UBE2E2: variants seen among roughly 807,000 people sequenced by gnomAD.
UBE2E2 encodes ubiquitin-conjugating enzyme E2 E2.
A neutral mutation model predicts 24.7 loss-of-function variants in UBE2E2; 6 were observed. The observed-to-expected ratio is 0.24, with a 90% confidence interval of 0.13 to 0.48. The LOEUF is 0.48. Ranked by LOEUF, UBE2E2 falls within the 20% of genes least tolerant of loss-of-function variation. The pLI is 0.99. For synonymous variants in UBE2E2, 104 were observed against 83.6 expected (o/e 1.24, Z -1.33); for missense variants, 169 against 245.0 (o/e 0.69, Z 2.07).
At chr3:23,573,935 T>A (rs914010021) in intron 5 of UBE2E2, among the ~76,000 whole-genome samples, 4 of 152,174 alleles carry the variant, frequency 2.6e-5, no homozygotes, top group Non-Finnish European at 5.9e-5. Flanking sequence ...CACACTGTCA[T>A]TGAAACAATT....
At chr3:23,404,056 A>G (rs1392153693) in intron 3 of UBE2E2, among the ~76,000 whole-genome samples, 1 of 152,146 alleles carries the variant, frequency 6.6e-6, no homozygotes, top group Non-Finnish European at 1.5e-5. Context: ...AAAAGACTGT[A>G]TTCCTGAAAC....
rs1233358452 is a variant in UBE2E2, at chr3:23,589,944, T to C, written c.*113T>C. 2 of 1,000,254 alleles carry C rather than the reference T, an allele frequency of 2.0e-6. No individual in the cohort carries two copies. Among genetic ancestry groups the C allele is most frequent in the Non-Finnish European group, 2.9e-6 (2 of 682,464 alleles). The allele number at this position is 1,000,254 out of a possible 1,614,324, so 62.0% of individuals were successfully genotyped here. A position where few individuals can be genotyped will look rare whatever the true frequency, so the allele number is the denominator to read the frequency against. ...TCTTATTTTCCTATTTTTATTAAATTTGGAACCATTTTGTGATGGTATGTT... is the reference window on the plus strand; with the variant it reads ...TCTTATTTTCCTATTTTTATTAAATCTGGAACCATTTTGTGATGGTATGTT... On this transcript the variant is annotated 3_prime_UTR_variant, in exon 6 of 6. Coordinates refer to ENST00000396703, the MANE Select transcript of UBE2E2 (RefSeq NM_152653.4). The surrounding 1 kb of genome is among the most constrained non-coding windows in gnomAD (Gnocchi z 4.1).
At chr3:23,259,554 C>T (rs1022750366) in intron 3 of UBE2E2, among the ~76,000 whole-genome samples, 1 of 146,036 alleles carries the variant, frequency 6.8e-6, no homozygotes, top group Non-Finnish European at 1.5e-5. Context: ...ACATGTTCTG[C>T]ACATGTATCC....
At chr3:23,268,057 A>C (rs13072930) in intron 3 of UBE2E2, among the ~76,000 whole-genome samples, 11,546 of 151,742 alleles carry the variant, frequency 0.076, 545 homozygotes, top group Non-Finnish European at 0.092. Flanking sequence ...GACGTATCTC[A>C]AAATAATAAG....
At chr3:23,525,925 A>G (rs1037181413) in intron 4 of UBE2E2, among the ~76,000 whole-genome samples, 13 of 152,204 alleles carry the variant, frequency 8.5e-5, no homozygotes, top group Non-Finnish European at 1.8e-4. Flanking sequence ...ATTTGTCACT[A>G]TTCAAAACAT....
chr3:23,347,552 G>A (rs1431648698), intron 3 of UBE2E2, among the ~76,000 whole-genome samples: 1 of 152,056 alleles, frequency 6.6e-6, no homozygotes. Flanking sequence ...GGGGCCTGTT[G>A]TGGGGTGGGG....
chr3:23,272,649 ACTAT>A (rs1163485366), intron 3 of UBE2E2, among the ~76,000 whole-genome samples: 10 of 152,288 alleles, frequency 6.6e-5, no homozygotes, highest in South Asian at 2.1e-4. Context: ...AGAGAAATAG[ACTAT>A]CTATCTATCT....
At chr3:23,587,172 C>CA (rs963367777) in intron 5 of UBE2E2, among the ~76,000 whole-genome samples, 9 of 151,962 alleles carry the variant, frequency 5.9e-5, no homozygotes, top group East Asian at 1.9e-4. Context: ...GTTAAGCATG[C>CA]AAAAAAAAGT....
intron 3 of UBE2E2, among the ~76,000 whole-genome samples, chr3:23,244,503 C>T (rs1697336625): frequency 6.6e-6 from 1 of 152,076 alleles, no homozygotes. Flanking sequence ...ATTGTTAGTA[C>T]AGCAACATAA....
At chr3:23,299,515 T>G (rs1221528445) in intron 3 of UBE2E2, among the ~76,000 whole-genome samples, 1 of 152,176 alleles carries the variant, frequency 6.6e-6, no homozygotes, top group Non-Finnish European at 1.5e-5. Flanking sequence ...AAGAACATCT[T>G]TATTTCTGCC....
intron 3 of UBE2E2, among the ~76,000 whole-genome samples, chr3:23,343,528 A>G (rs1695462050): frequency 8.1e-6 from 1 of 122,732 alleles, no homozygotes; most frequent in Admixed American, 9.5e-5. Context: ...GTGAGCCGAG[A>G]TGGCGCCACT....
intron 5 of UBE2E2, among the ~76,000 whole-genome samples, chr3:23,555,607 A>G (rs1695757953): frequency 6.6e-6 from 1 of 152,134 alleles, no homozygotes; most frequent in South Asian, 2.1e-4. Flanking sequence ...TATGGGGAAA[A>G]ACCTAGGTGT....
intron 4 of UBE2E2, among the ~76,000 whole-genome samples, chr3:23,512,875 G>A (rs1029332869): frequency 1.3e-5 from 2 of 152,244 alleles, no homozygotes; most frequent in African/African-American, 4.8e-5. Flanking sequence ...AACCCAGGAG[G>A]CAGAGGTTGC....
chr3:23,518,910 A>C (rs932380558), intron 4 of UBE2E2, among the ~76,000 whole-genome samples: 2 of 152,250 alleles, frequency 1.3e-5, no homozygotes, highest in African/African-American at 4.8e-5. Flanking sequence ...GAATTTAGGA[A>C]TAAGTTAGTG....
chr3:23,437,610 A>T (rs1196770559), intron 3 of UBE2E2, among the ~76,000 whole-genome samples: 3 of 152,238 alleles, frequency 2.0e-5, no homozygotes, highest in Admixed American at 1.3e-4. Flanking sequence ...CTCAGAAAGG[A>T]GAGGAATGCC....
intron 4 of UBE2E2, among the ~76,000 whole-genome samples, chr3:23,524,865 G>GACACACACACAC (rs59806964): frequency 0.013 from 1,987 of 147,500 alleles, 24 homozygotes; most frequent in African/African-American, 0.028. Context: ...CAGACACACA[G>GACACACACACAC]ACACACACAC....
At chr3:23,249,409 T>C (rs1369641948) in intron 3 of UBE2E2, among the ~76,000 whole-genome samples, 1 of 152,102 alleles carries the variant, frequency 6.6e-6, no homozygotes, top group Non-Finnish European at 1.5e-5. Flanking sequence ...ACTGGATATA[T>C]GGTAAGATAT....
At chr3:23,509,916 T>A (rs1479674157) in intron 4 of UBE2E2, among the ~76,000 whole-genome samples, 1 of 152,178 alleles carries the variant, frequency 6.6e-6, no homozygotes, top group South Asian at 2.1e-4. Flanking sequence ...CTCATCATTT[T>A]TTATGGCCGC....
At chr3:23,485,254 C>G (rs1311106905) in intron 3 of UBE2E2, among the ~76,000 whole-genome samples, 1 of 151,926 alleles carries the variant, frequency 6.6e-6, no homozygotes, top group Non-Finnish European at 1.5e-5. Context: ...TATAACCACA[C>G]CCAGCTAATT....
Sources: gnomAD v4.1 joint callset for allele counts (sites outside exome capture counted in the v4.1 genomes callset) on GRCh38, gnomAD v4.1.1 for gene constraint, Gnocchi (gnomAD v3.1) non-coding constraint, MANE v1.5 for transcripts, NCBI Gene and HGNC (gene_info 2026-07-23, HGNC 2026-07-21) for gene names.